PTPRU: variants seen among roughly 807,000 people sequenced by gnomAD.
PTPRU encodes the protein protein tyrosine phosphatase receptor type U.
Under a neutral mutation model 166.3 loss-of-function variants are expected in PTPRU, and 69 were observed. That is an observed-to-expected ratio of 0.41 (90% CI 0.34 to 0.51). The LOEUF (loss-of-function observed/expected upper bound fraction) is 0.51, where lower values mean the gene tolerates loss of function less well. PTPRU is among the 20% of genes least tolerant of loss of function. PTPRU has a pLI of 0.09. For missense variants in PTPRU, 1,657 were observed against 2,013.7 expected, an observed-to-expected ratio of 0.82 and a Z score of 3.39; for synonymous variants, 793 against 814.0, an observed-to-expected ratio of 0.97 and a Z score of 0.44.
Position 29,293,765 on chromosome 1 carries a change from C to T in PTPRU, c.2476+1739C>T, listed in dbSNP as rs143894249. On this transcript the variant is annotated intron_variant, in intron 15 of 29. Transcript: ENST00000373779. The stretch of plus-strand genomic sequence containing the variant: ...CTGGGATTACAGGCGTGAGCCACTG[C>T]GCCCGGACTTTTGGGGGTAGTTTTA... 4.6e-3 allele frequency among the ~76,000 whole-genome samples: 701 copies of T among 152,290 alleles called. 9 individuals carry two copies. The highest frequency in any genetic ancestry group is 0.015 in the African/African-American group (634 of 41,566).
rs1018917855 is a variant in PTPRU at position 29,259,677 on chromosome 1, G to A, written c.675+113G>A. 1.3e-5 allele frequency: 16 copies of A among 1,258,044 alleles called. No homozygotes were observed. In the East Asian group the frequency reaches 2.8e-4, roughly 22 times the overall value. The allele number at this position is 1,258,044 out of a possible 1,614,324, so 77.9% of individuals were successfully genotyped here. On this transcript the variant is annotated intron_variant, in intron 5 of 29. Transcript: ENST00000373779. ...TCCCTGCTTCATACTCCAGCACTGC[G>A]CACAGCGTCCCGGCCCTCCCCTAGC...
chr1:29,251,214 T>G (rs1050151561), intron 1 of PTPRU, among the ~76,000 whole-genome samples: 1 of 151,908 alleles, frequency 6.6e-6, no homozygotes, highest in Non-Finnish European at 1.5e-5. Flanking sequence ...ATCATGCTAC[T>G]GCACTTCAGC....
rs1042591455 is a variant in PTPRU at position 29,282,760 on chromosome 1, G to A, written c.1953G>A (p.Leu651=). Residue 651 remains leucine, a synonymous_variant, in exon 12 of 30, where the codon TTG becomes TTA. Coordinates refer to ENST00000373779, the MANE Select transcript of PTPRU (RefSeq NM_133178.4). ...PGGQDCFPVP[L]TFEAALARGL... is the part of the protein sequence containing the mutation. Reference sequence around the variant, plus strand: ...GACAGGACTGCTTCCCAGTGCCATTGACCTTCGAGGCGGCGCTGGCCCGAG... The same window carrying A: ...GACAGGACTGCTTCCCAGTGCCATTAACCTTCGAGGCGGCGCTGGCCCGAG... 1 of 1,614,082 alleles carries A rather than the reference G, an allele frequency of 6.2e-7. No homozygotes were observed. The highest frequency in any genetic ancestry group is 8.5e-7 in the Non-Finnish European group (1 of 1,180,020).
intron 14 of PTPRU, among the ~76,000 whole-genome samples, chr1:29,287,292 T>C (rs1357644895): frequency 6.6e-6 from 1 of 152,148 alleles, no homozygotes; most frequent in Non-Finnish European, 1.5e-5. Flanking sequence ...TGGCTGTGCT[T>C]CCAGAAGTCC....
In PTPRU at chr1:29,325,807, C is replaced by G; in HGVS notation, c.*146C>G. On this transcript the variant is annotated 3_prime_UTR_variant, in exon 30 of 30. Coordinates refer to ENST00000373779, the MANE Select transcript of PTPRU (RefSeq NM_133178.4). Reference sequence around the variant, plus strand: ...GTGGATGCTGGGCTATCTTGCTCCCCCTTCCACTGTGGGCAGGGCCTTTCG... The same window carrying G: ...GTGGATGCTGGGCTATCTTGCTCCCGCTTCCACTGTGGGCAGGGCCTTTCG... 3 of 924,296 alleles carry G rather than the reference C, an allele frequency of 3.2e-6. No individual in the cohort carries two copies. The highest frequency in any genetic ancestry group is 4.7e-6 in the Non-Finnish European group (3 of 637,362). 57.3% of individuals were successfully genotyped at this position (924,296 alleles called of 1,614,324 possible). A position where few individuals can be genotyped will look rare whatever the true frequency, so the allele number is the denominator to read the frequency against.
chr1:29,289,701 C>T, intron 14 of PTPRU: 3 of 1,614,068 alleles, frequency 1.9e-6, no homozygotes, highest in Non-Finnish European at 2.5e-6. Flanking sequence ...ACTATGCCTA[C>T]TCCTACTACC....
Position 29,323,392 on chromosome 1 carries a change from G to A in PTPRU, c.3850G>A (p.Glu1284Lys). Residue 1284 changes from glutamate (E) to lysine (K), a missense_variant, in exon 27 of 30, where the codon GAG becomes AAG. Glu to Lys is a moderately conservative substitution (Grantham distance 56). Coordinates refer to ENST00000373779, the MANE Select transcript of PTPRU (RefSeq NM_133178.4). Reference sequence around the variant, plus strand: ...CCAGCCCTGCCTGCAGTACTGGCCAGAGCCAGGCCGGCAGCAATATGGCCT... The same window carrying A: ...CCAGCCCTGCCTGCAGTACTGGCCAAAGCCAGGCCGGCAGCAATATGGCCT... Reference protein sequence around the residue: ...SAWPCLQYWPEPGRQQYGLME... With the variant: ...SAWPCLQYWPKPGRQQYGLME... The A allele has an allele frequency of 6.2e-7, 1 of 1,608,568 alleles. No individual in the cohort carries two copies. The highest frequency in any genetic ancestry group is 8.5e-7 in the Non-Finnish European group (1 of 1,177,528).
At chr1:29,284,919 G>A (rs1574662695) in intron 14 of PTPRU, 50 bp downstream of exon 14, 1 of 1,560,516 alleles carries the variant, frequency 6.4e-7, no homozygotes, top group East Asian at 2.3e-5. Flanking sequence ...CCCCTTAGAG[G>A]CCTGGTGGCA....
At chr1:29,288,673 A>G (rs1417341149) in intron 14 of PTPRU, among the ~76,000 whole-genome samples, 1 of 151,960 alleles carries the variant, frequency 6.6e-6, no homozygotes, top group Admixed American at 6.6e-5. Context: ...GTGGAAGGCC[A>G]TTCTTTGGGG....
In PTPRU at chr1:29,275,730, A is replaced by T. The variant is rs768357603; in HGVS notation, c.1427A>T (p.Glu476Val). ...CCTGAGGGGCGCAAAGAGGGCAAGG[A>T]GGTCACTTTCCAGACGGATGAGGAT... ...TNPEGRKEGK[E>V]VTFQTDEDVP... Residue 476 changes from glutamate (E) to valine (V), a missense_variant, in exon 8 of 30, where the codon GAG (glutamate) becomes GTG (valine). Physicochemically the swap from Glu to Val is moderately radical, Grantham distance 121. This residue lies in a region of PTPRU where 1,190 missense variants were observed against 1,477.4 expected (regional missense o/e 0.81). Transcript: ENST00000373779. 1.2e-6 allele frequency: 2 copies of T among 1,614,160 alleles called. No homozygotes were observed.
intron 7 of PTPRU, among the ~76,000 whole-genome samples, chr1:29,272,920 A>AAAAG (rs1553121317): frequency 4.1e-5 from 6 of 146,864 alleles, no homozygotes; most frequent in African/African-American, 1.6e-4. Context: ...AAAAAAAAAA[A>AAAAG]AAAAAAAGAA....
At chr1:29,268,972 T>C (rs937215698) in intron 7 of PTPRU, among the ~76,000 whole-genome samples, 2 of 152,138 alleles carry the variant, frequency 1.3e-5, no homozygotes, top group African/African-American at 2.4e-5. Context: ...ACACAGTGAG[T>C]CCATGGCAGA....
Position 29,279,755 on chromosome 1 carries a change from T to C in PTPRU, c.1765+98T>C. 1 of 1,393,038 alleles carries C rather than the reference T, an allele frequency of 7.2e-7. No individual in the cohort carries two copies. The highest frequency in any genetic ancestry group is 1.0e-6 in the Non-Finnish European group (1 of 1,001,426). The allele number at this position is 1,393,038 out of a possible 1,614,324, so 86.3% of individuals were successfully genotyped here. The stretch of plus-strand genomic sequence containing the variant: ...AAATGGGGGGCATCCTGGGGGTAGT[T>C]ACAGAGGGCCCCTGCTGAGATAAAT... On this transcript the variant is annotated intron_variant, in intron 10 of 29. Transcript: ENST00000373779. This position sits in a 1 kb window ranked among gnomAD's most constrained non-coding sequence, Gnocchi z 5.2.
rs1686051694 is a variant in PTPRU at position 29,280,876 on chromosome 1, A to C, written c.1868+735A>C. Among the ~76,000 whole-genome samples the C allele has an allele frequency of 6.6e-6, 1 of 152,120 alleles. No individual in the cohort carries two copies. Among genetic ancestry groups the C allele is most frequent in the African/African-American group, 2.4e-5 (1 of 41,412 alleles). On this transcript the variant is annotated intron_variant, in intron 11 of 29. Transcript: ENST00000373779. This position sits in a 1 kb window ranked among gnomAD's most constrained non-coding sequence, Gnocchi z 4.2. ...TATCTGCATGAAGCCATTTATCCTC[A>C]TGGCAGCCCTGTGGCATGGGTATTA...
chr1:29,246,042 G>A (rs2068388), intron 1 of PTPRU, among the ~76,000 whole-genome samples: 17,303 of 152,260 alleles, frequency 0.11, 1,362 homozygotes, highest in East Asian at 0.41. Context: ...CTGCACTATT[G>A]CATGGACGTC....
At chr1:29,323,075 C>T (rs772987172) in intron 26 of PTPRU, 20 of 319,832 alleles carry the variant, frequency 6.3e-5, no homozygotes, top group South Asian at 1.2e-4. Flanking sequence ...GCGTGTGAAC[C>T]GGTTAAGGTG....
intron 7 of PTPRU, among the ~76,000 whole-genome samples, chr1:29,273,593 G>A (rs1685668997): frequency 6.6e-6 from 1 of 151,988 alleles, no homozygotes; most frequent in Non-Finnish European, 1.5e-5. Flanking sequence ...TGTAGAGATT[G>A]TGTCTTGTTG....
chr1:29,314,070 G>T (rs1687787351), intron 22 of PTPRU, among the ~76,000 whole-genome samples: 1 of 152,098 alleles, frequency 6.6e-6, no homozygotes, highest in Admixed American at 6.5e-5. Context: ...TTCTTTCCCT[G>T]AGCCTTAGGT....
chr1:29,241,533 G>T (rs994211967), intron 1 of PTPRU, among the ~76,000 whole-genome samples: 6 of 151,682 alleles, frequency 4.0e-5, no homozygotes, highest in African/African-American at 1.5e-4. Context: ...GAAGTATCCA[G>T]TTGTTAGTGA....
Sources: gnomAD v4.1 joint callset for allele counts (sites outside exome capture counted in the v4.1 genomes callset) on GRCh38, gnomAD v4.1.1 for gene constraint, gnomAD v4.1.1 regional missense constraint, Gnocchi (gnomAD v3.1) non-coding constraint, MANE v1.5 for transcripts, NCBI Gene and HGNC (gene_info 2026-07-23, HGNC 2026-07-21) for gene names.